The following MAN1C1 variants were observed in gnomAD, a reference collection of about 807,000 sequenced individuals.
MAN1C1 encodes mannosidase alpha class 1C member 1, also known as mannosyl-oligosaccharide 1,2-alpha-mannosidase IC.
A neutral mutation model predicts 71.5 loss-of-function variants in MAN1C1; 49 were observed. The ratio of observed to expected loss-of-function variants is 0.69; its 90% confidence interval spans 0.54 to 0.87. MAN1C1 has a LOEUF of 0.87. Ranked by LOEUF, MAN1C1 falls within the 40% of genes least tolerant of loss-of-function variation. The pLI, the probability that MAN1C1 is intolerant of heterozygous loss-of-function variation, is 0.00. For missense variants in MAN1C1, 743 were observed against 835.0 expected, an observed-to-expected ratio of 0.89 and a Z score of 1.36; for synonymous variants, 352 against 343.7, an observed-to-expected ratio of 1.02 and a Z score of -0.27.
intron 2 of MAN1C1, among the ~76,000 whole-genome samples, chr1:25,734,272 G>A (rs2046951394): frequency 6.6e-6 from 1 of 151,946 alleles, no homozygotes; most frequent in African/African-American, 2.4e-5. Context: ...AGGACTACAG[G>A]TGTGCACCAC....
At chr1:25,679,560 A>C (rs1424951609) in intron 1 of MAN1C1, among the ~76,000 whole-genome samples, 1 of 99,542 alleles carries the variant, frequency 1.0e-5, no homozygotes, top group Non-Finnish European at 1.9e-5. Flanking sequence ...AAATGAGTTA[A>C]AAAAAAAAAA....
rs2045434670 is a variant in MAN1C1 at position 25,634,922 on chromosome 1, G to A, written c.540+16585G>A. On this transcript the variant is annotated intron_variant, in intron 1 of 11. Transcript: ENST00000374332. The surrounding 1 kb of genome is among the most constrained non-coding windows in gnomAD (Gnocchi z 4.6). ...GATTTTTGCATCTATGTTTATGAGG[G>A]ATATTGGTCTATAGTTTTTTTTTTT... 6.6e-6 allele frequency among the ~76,000 whole-genome samples: 1 copy of A among 151,680 alleles called. No homozygotes were observed. Among genetic ancestry groups the A allele is most frequent in the African/African-American group, 2.4e-5 (1 of 41,328 alleles).
At chr1:25,738,281 G>A (rs574811258) in intron 2 of MAN1C1, among the ~76,000 whole-genome samples, 142 of 152,084 alleles carry the variant, frequency 9.3e-4, no homozygotes, top group African/African-American at 3.2e-3. Flanking sequence ...ATTAAAACAC[G>A]ACACACGAGA....
intron 2 of MAN1C1, among the ~76,000 whole-genome samples, chr1:25,710,478 A>C (rs942914309): frequency 9.8e-5 from 15 of 152,378 alleles, no homozygotes; most frequent in Middle Eastern, 3.4e-3. Flanking sequence ...ATAGTTGCTA[A>C]CATTTATTGA....
chr1:25,643,752 C>G (rs1254933185), intron 1 of MAN1C1, among the ~76,000 whole-genome samples: 2 of 151,938 alleles, frequency 1.3e-5, no homozygotes, highest in Non-Finnish European at 2.9e-5. Context: ...AGTGATCCAC[C>G]CGCCTCTGCC....
chr1:25,672,069 C>T (rs982585238), intron 1 of MAN1C1, among the ~76,000 whole-genome samples: 6 of 152,216 alleles, frequency 3.9e-5, no homozygotes, highest in Non-Finnish European at 8.8e-5. Flanking sequence ...AAGCCAGCAG[C>T]CTAACTCTCA....
chr1:25,670,118 C>A (rs2045974366), intron 1 of MAN1C1, among the ~76,000 whole-genome samples: 1 of 152,256 alleles, frequency 6.6e-6, no homozygotes, highest in South Asian at 2.1e-4. Context: ...AGCCTTTGTT[C>A]TTGTGCTTGG....
rs372436476 is a variant in MAN1C1, at chr1:25,780,937, C to T, written c.1478-3C>T. On this transcript the variant is annotated splice_region_variant and splice_polypyrimidine_tract_variant and intron_variant, in intron 9 of 11. Transcript: ENST00000374332. ...TGGGCCCTCTGCTTGGCTGTTTCCC[C>T]AGACACCAAACTTGGGCCTGAGGCC... The T allele has an allele frequency of 1.2e-6, 2 of 1,613,504 alleles. No individual in the cohort carries two copies. Among genetic ancestry groups the T allele is most frequent in the African/African-American group, 2.7e-5 (2 of 75,040 alleles).
intron 1 of MAN1C1, 146 bp from the exon 2 acceptor site, chr1:25,686,294 C>T (rs2046229351): frequency 5.8e-6 from 4 of 690,304 alleles, no homozygotes; most frequent in South Asian, 1.7e-5. Flanking sequence ...AATCATGTTG[C>T]GAGGAAGTCA....
intron 4 of MAN1C1, among the ~76,000 whole-genome samples, chr1:25,749,893 G>T (rs1480799122): frequency 1.3e-5 from 2 of 152,222 alleles, no homozygotes; most frequent in Admixed American, 1.3e-4. Context: ...CCTGCTCCAG[G>T]TCTCACGGGG....
intron 2 of MAN1C1, among the ~76,000 whole-genome samples, chr1:25,733,793 A>AT (rs1373123393): frequency 3.3e-5 from 5 of 151,568 alleles, no homozygotes; most frequent in African/African-American, 1.2e-4. Context: ...TTATTTATTT[A>AT]TTATTTTTAT....
intron 2 of MAN1C1, among the ~76,000 whole-genome samples, chr1:25,716,098 C>T (rs2046675973): frequency 6.6e-6 from 1 of 152,204 alleles, no homozygotes; most frequent in Non-Finnish European, 1.5e-5. Flanking sequence ...CCAGAAGTCA[C>T]ATGCAGCACT....
intron 1 of MAN1C1, among the ~76,000 whole-genome samples, chr1:25,679,581 C>A (rs1032830447): frequency 1.1e-4 from 16 of 149,476 alleles, no homozygotes; most frequent in African/African-American, 3.9e-4. Flanking sequence ...AAAGGCATTT[C>A]AGACTTACGG....
intron 2 of MAN1C1, among the ~76,000 whole-genome samples, chr1:25,698,969 C>A (rs1403898683): frequency 2.0e-5 from 3 of 146,954 alleles, no homozygotes; most frequent in Admixed American, 6.9e-5. Flanking sequence ...AAAAAAGCTT[C>A]TTGGGAAGGC....
At chr1:25,767,193 GAC>G (rs1329782576) in intron 7 of MAN1C1, among the ~76,000 whole-genome samples, 6 of 21,360 alleles carry the variant, frequency 2.8e-4, no homozygotes, top group African/African-American at 8.0e-4. Context: ...CACCCTCCCA[GAC>G]ACACACACAT....
At chr1:25,618,386 A>G (rs1338664169) in intron 1 of MAN1C1, 49 bp downstream of exon 1, 5 of 1,538,242 alleles carry the variant, frequency 3.3e-6, no homozygotes, top group African/African-American at 1.4e-5. Flanking sequence ...CCCTCTAAGG[A>G]GAGAAGACCC....
intron 2 of MAN1C1, among the ~76,000 whole-genome samples, chr1:25,702,189 C>T (rs1442025631): frequency 2.0e-5 from 3 of 152,164 alleles, no homozygotes; most frequent in Non-Finnish European, 2.9e-5. Context: ...AGGATGTCCC[C>T]GTGGGGCTGC....
At chr1:25,741,346 GCCCCAGGGCACCCCAGT>G (rs890404529) in intron 2 of MAN1C1, among the ~76,000 whole-genome samples, 1 of 152,196 alleles carries the variant, frequency 6.6e-6, no homozygotes, top group African/African-American at 2.4e-5. Flanking sequence ...CAAAGGCAGA[GCCCCAGGGCACCCCAGT>G]CTTTAGAGGT....
Position 25,749,303 on chromosome 1 carries a change from C to A in MAN1C1, c.802C>A (p.Leu268Ile), listed in dbSNP as rs770321958. The A allele has an allele frequency of 6.2e-7, 1 of 1,612,342 alleles. No homozygotes were observed. Among genetic ancestry groups the A allele is most frequent in the Non-Finnish European group, 8.5e-7 (1 of 1,179,210 alleles). Residue 268 changes from leucine to isoleucine, a missense_variant, in exon 4 of 12, where the codon CTC (leucine) becomes ATC (isoleucine). Physicochemically the swap from Leu to Ile is conservative, Grantham distance 5. Transcript: ENST00000374332. ...FEVNIRYIGGLLSAFYLTGEE... is the reference protein window; with the variant it reads ...FEVNIRYIGGILSAFYLTGEE... ...GGTGAACATCCGCTACATCGGGGGA[C>A]TCCTCTCAGCCTTCTACCTGACAGG...
Sources: gnomAD v4.1 joint callset for allele counts (sites outside exome capture counted in the v4.1 genomes callset) on GRCh38, gnomAD v4.1.1 for gene constraint, Gnocchi (gnomAD v3.1) non-coding constraint, MANE v1.5 for transcripts, NCBI Gene and HGNC (gene_info 2026-07-23, HGNC 2026-07-21) for gene names.